Variants in PARD3 observed in about 807,000 individuals in gnomAD.
The protein encoded by PARD3 is partitioning defective 3 homolog.
A neutral mutation model predicts 155.4 loss-of-function variants in PARD3; 75 were observed. The ratio of observed to expected loss-of-function variants is 0.48; its 90% CI spans 0.40 to 0.58. The LOEUF is 0.58. Ranked by LOEUF, PARD3 falls within the 20% of genes least tolerant of loss-of-function variation. The pLI is 0.00. For synonymous variants in PARD3, 576 were observed against 610.5 expected, an observed-to-expected ratio of 0.94 and a Z score of 0.83; for missense variants, 1,642 against 1,721.7, an observed-to-expected ratio of 0.95 and a Z score of 0.82.
At chr10:34,740,918 T>C (rs564114243) in intron 1 of PARD3, among the ~76,000 whole-genome samples, 12 of 152,308 alleles carry the variant, frequency 7.9e-5, no homozygotes, top group African/African-American at 2.9e-4. Context: ...AACAATATGG[T>C]AGACAGGTAA....
chr10:34,557,235 C>T (rs2085077377), intron 2 of PARD3, among the ~76,000 whole-genome samples: 1 of 152,160 alleles, frequency 6.6e-6, no homozygotes. Flanking sequence ...TAGGTTATAA[C>T]CAACCAAGCG....
chr10:34,242,290 T>C (rs188231101), intron 22 of PARD3, among the ~76,000 whole-genome samples: 25 of 152,336 alleles, frequency 1.6e-4, no homozygotes, highest in Admixed American at 1.1e-3. Flanking sequence ...TATAAATTTA[T>C]TAAAAGGCTA....
chr10:34,402,019 C>G (rs1843940190), intron 5 of PARD3, 102 bp from the exon 6 acceptor site: 2 of 897,674 alleles, frequency 2.2e-6, no homozygotes, highest in Admixed American at 3.5e-5. Flanking sequence ...GCATTATGAT[C>G]TTGGTAACTG....
chr10:34,136,640 C>T (rs541682425), intron 22 of PARD3, among the ~76,000 whole-genome samples: 69 of 152,238 alleles, frequency 4.5e-4, no homozygotes, highest in African/African-American at 1.5e-3. Context: ...TGATTATAAA[C>T]TCTGGTACAG....
intron 3 of PARD3, among the ~76,000 whole-genome samples, chr10:34,473,571 T>C (rs1421814355): frequency 2.0e-5 from 3 of 151,958 alleles, no homozygotes; most frequent in Middle Eastern, 3.4e-3. Context: ...CACTTTCCTG[T>C]AGTCCTAGTG....
chr10:34,586,478 A>G (rs989781728), intron 2 of PARD3, among the ~76,000 whole-genome samples: 20 of 152,216 alleles, frequency 1.3e-4, no homozygotes, highest in Admixed American at 9.2e-4. Context: ...TGAGCACATC[A>G]GTGTCTGTGT....
chr10:34,400,220 T>G (rs2132182913), intron 6 of PARD3, among the ~76,000 whole-genome samples: 1 of 152,312 alleles, frequency 6.6e-6, no homozygotes, highest in East Asian at 1.9e-4. Flanking sequence ...CAAGCAATCT[T>G]TTCGCCCCAG....
intron 2 of PARD3, among the ~76,000 whole-genome samples, chr10:34,687,405 C>T (rs1267674595): frequency 2.6e-5 from 4 of 152,088 alleles, no homozygotes; most frequent in East Asian, 3.9e-4. Flanking sequence ...ATTTTTCTAA[C>T]GGAACTGGCC....
chr10:34,332,755 G>A (rs1246161852), intron 18 of PARD3, among the ~76,000 whole-genome samples: 2 of 152,120 alleles, frequency 1.3e-5, no homozygotes, highest in Non-Finnish European at 2.9e-5. Context: ...CTTTCTCAGT[G>A]CAGGTTTGTC....
intron 22 of PARD3, among the ~76,000 whole-genome samples, chr10:34,265,265 C>G (rs1179428085): frequency 2.0e-5 from 3 of 152,180 alleles, no homozygotes; most frequent in Non-Finnish European, 2.9e-5. Flanking sequence ...TGGCATGATG[C>G]TATCTTATAA....
intron 22 of PARD3, among the ~76,000 whole-genome samples, chr10:34,217,485 C>T (rs1010451581): frequency 1.3e-5 from 2 of 152,000 alleles, no homozygotes; most frequent in African/African-American, 2.4e-5. Context: ...TTAAAATGCC[C>T]GTTACAGAGG....
intron 2 of PARD3, among the ~76,000 whole-genome samples, chr10:34,631,826 C>T (rs894147340): frequency 2.6e-5 from 4 of 152,144 alleles, no homozygotes; most frequent in African/African-American, 7.2e-5. Context: ...TCAAACTCCT[C>T]GCCTCAAGTG....
Position 34,360,150 on chromosome 10 carries a change from TTGACAC to T in PARD3, c.1811_1816del (p.Ser604_Val605del), listed in dbSNP as rs768175359. The T allele has an allele frequency of 3.7e-6, 6 of 1,614,160 alleles. No individual in the cohort carries two copies. Among genetic ancestry groups the T allele is most frequent in the African/African-American group, 1.3e-5 (1 of 75,068 alleles). On this transcript the variant is annotated inframe_deletion, in exon 13 of 25. Transcript: ENST00000374788. ...GTGGTTCTCTTTTGACCGGTTACCT[TTGACAC>T]TGACACCAAGGCCTGCAGATCCTGA...
chr10:34,572,620 GAC>G (rs546088177), intron 2 of PARD3, among the ~76,000 whole-genome samples: 145 of 145,480 alleles, frequency 1.0e-3, no homozygotes, highest in African/African-American at 3.7e-3. Context: ...CAGCCGGGGT[GAC>G]AGAGCAAGAC....
intron 5 of PARD3, among the ~76,000 whole-genome samples, chr10:34,431,947 C>T (rs571969838): frequency 7.3e-6 from 1 of 136,748 alleles, no homozygotes; most frequent in South Asian, 2.4e-4. Flanking sequence ...GAGGCTGAGG[C>T]AGGAGAATGG....
chr10:34,536,568 A>T (rs1464726630), intron 2 of PARD3, among the ~76,000 whole-genome samples: 1 of 152,234 alleles, frequency 6.6e-6, no homozygotes, highest in African/African-American at 2.4e-5. Context: ...TTTAAAACCT[A>T]TATAAAGATA....
intron 22 of PARD3, among the ~76,000 whole-genome samples, chr10:34,172,798 G>A (rs1489684332): frequency 6.6e-6 from 1 of 150,686 alleles, no homozygotes; most frequent in Non-Finnish European, 1.5e-5. Context: ...GACATAAATG[G>A]GAGTTAAAAT....
intron 22 of PARD3, among the ~76,000 whole-genome samples, chr10:34,154,640 T>C (rs1324044121): frequency 2.6e-5 from 4 of 152,208 alleles, no homozygotes; most frequent in African/African-American, 7.2e-5. Flanking sequence ...TGGAAGATTT[T>C]GTTTCTCCCC....
At chr10:34,188,143 A>G (rs1422561415) in intron 22 of PARD3, among the ~76,000 whole-genome samples, 1 of 152,212 alleles carries the variant, frequency 6.6e-6, no homozygotes, top group Non-Finnish European at 1.5e-5. Context: ...AGACTCAACT[A>G]AGGCAATATC....
Sources: gnomAD v4.1 joint callset for allele counts (sites outside exome capture counted in the v4.1 genomes callset) on GRCh38, gnomAD v4.1.1 for gene constraint, MANE v1.5 for transcripts, NCBI Gene and HGNC (gene_info 2026-07-23, HGNC 2026-07-21) for gene names.